The following INPP5D variants were observed in gnomAD, a reference collection of about 807,000 sequenced individuals.
INPP5D encodes phosphatidylinositol 3,4,5-trisphosphate 5-phosphatase 1.
INPP5D carries 33 observed loss-of-function variants against 122.9 expected under a neutral mutation model. The observed-to-expected ratio is 0.27, with a 90% CI of 0.20 to 0.36. INPP5D has a LOEUF of 0.36. Among genes scored for constraint, INPP5D ranks in the 10% least tolerant of loss-of-function variants. INPP5D has a pLI of 1.00. For synonymous variants in INPP5D, 584 were observed against 576.2 expected, an observed-to-expected ratio of 1.01 and a Z score of -0.19; for missense variants, 1,053 against 1,412.7, an observed-to-expected ratio of 0.75 and a Z score of 4.08.
At position 233,106,875 on chromosome 2, in the gene INPP5D, C is replaced by T. The variant is rs111564686; in HGVS notation, c.199-15232C>T. ...TCATCCTTGTCCCCTTGCTCTGATC[C>T]TGGTGACATTAACAGAGACTTCAGA... On this transcript the variant is annotated intron_variant, in intron 2 of 26. Transcript: ENST00000445964. Among the ~76,000 whole-genome samples, 321 of 152,314 alleles carry T rather than the reference C, an allele frequency of 2.1e-3. 2 individuals carry two copies. Among genetic ancestry groups the T allele is most frequent in the East Asian group, 0.013 (66 of 5,186 alleles).
intron 2 of INPP5D, among the ~76,000 whole-genome samples, chr2:233,086,181 CTTT>C (rs1691841418): frequency 1.4e-5 from 2 of 138,786 alleles, no homozygotes; most frequent in Admixed American, 1.4e-4. Flanking sequence ...TTCTTTCTTT[CTTT>C]CTTTCCTTTT....
chr2:233,112,064 G>T (rs1458825274), intron 2 of INPP5D, among the ~76,000 whole-genome samples: 3 of 117,280 alleles, frequency 2.6e-5, no homozygotes, highest in South Asian at 2.9e-4. Flanking sequence ...ACTCTGTCTT[G>T]AAAAAAAAAA....
intron 2 of INPP5D, among the ~76,000 whole-genome samples, chr2:233,080,519 A>C (rs1381420975): frequency 1.3e-5 from 2 of 152,074 alleles, no homozygotes; most frequent in Non-Finnish European, 2.9e-5. Context: ...GAGGCACAGC[A>C]GTGCATCCAC....
intron 2 of INPP5D, among the ~76,000 whole-genome samples, chr2:233,081,978 G>A (rs1043183276): frequency 4.6e-5 from 7 of 152,146 alleles, no homozygotes; most frequent in Non-Finnish European, 5.9e-5. Flanking sequence ...CTCAGAGATG[G>A]GGACAGAGTC....
intron 5 of INPP5D, among the ~76,000 whole-genome samples, chr2:233,132,225 T>C (rs963936162): frequency 2.0e-5 from 3 of 152,222 alleles, no homozygotes; most frequent in African/African-American, 4.8e-5. Context: ...TCTGCTTCAG[T>C]GGAGATTCTG....
At chr2:233,137,184 C>T (rs1693485443) in intron 5 of INPP5D, among the ~76,000 whole-genome samples, 1 of 151,500 alleles carries the variant, frequency 6.6e-6, no homozygotes, top group South Asian at 2.1e-4. Flanking sequence ...CAGTAACATC[C>T]CAGCAAATAT....
intron 11 of INPP5D, 71 bp from the exon 12 acceptor site, chr2:233,163,636 G>C: frequency 1.9e-6 from 3 of 1,606,028 alleles, no homozygotes; most frequent in Non-Finnish European, 2.5e-6. Flanking sequence ...CCCGCCCTCT[G>C]TTTTGAATTC....
At chr2:233,121,505 A>G (rs903132554) in intron 2 of INPP5D, among the ~76,000 whole-genome samples, 2 of 104,628 alleles carry the variant, frequency 1.9e-5, no homozygotes, top group Non-Finnish European at 4.3e-5. Context: ...TTTGTATAAA[A>G]ATACTTTTAT....
intron 9 of INPP5D, among the ~76,000 whole-genome samples, chr2:233,153,984 G>T: frequency 6.6e-6 from 1 of 152,108 alleles, no homozygotes; most frequent in Middle Eastern, 3.2e-3. Flanking sequence ...TTGCCATCAC[G>T]CAGTTTCCCC....
intron 2 of INPP5D, among the ~76,000 whole-genome samples, chr2:233,096,863 T>C (rs767538055): frequency 2.6e-5 from 4 of 152,232 alleles, no homozygotes; most frequent in Non-Finnish European, 5.9e-5. Context: ...ACATTGTTTA[T>C]GGTGCGTTTT....
Position 233,177,262 on chromosome 2 carries a change from C to T in INPP5D, c.1990-3C>T, listed in dbSNP as rs779939761. ...TTTTAAAGCCTATGACTTTGATTTG[C>T]AGATGAAGTACAACTTGCCTTCCTG... On this transcript the variant is annotated splice_region_variant and splice_polypyrimidine_tract_variant and intron_variant, in intron 17 of 26. Coordinates refer to ENST00000445964, the MANE Select transcript of INPP5D (RefSeq NM_001017915.3). The surrounding 1 kb of genome is among the most constrained non-coding windows in gnomAD (Gnocchi z 4.2). The T allele has an allele frequency of 6.2e-7, 1 of 1,613,764 alleles. No homozygotes were observed. Among genetic ancestry groups the T allele is most frequent in the South Asian group, 1.1e-5 (1 of 91,066 alleles).
rs1559351995 is a variant in INPP5D at position 233,204,809 on chromosome 2, T to C, written c.3567+92T>C. On this transcript the variant is annotated intron_variant, in intron 26 of 26. Transcript: ENST00000445964. ...GTACCTATGCATATGTGTGTGCATG[T>C]GTGTGTGCACGCATGCATATGTGCG... 2.8e-6 allele frequency: 4 copies of C among 1,408,340 alleles called. No homozygotes were observed. In the East Asian group the frequency reaches 7.6e-5, roughly 27 times the overall value. The allele number at this position is 1,408,340 out of a possible 1,614,324, so 87.2% of individuals were successfully genotyped here.
intron 26 of INPP5D, 82 bp downstream of exon 26, chr2:233,204,799 TGTGTGC>T: frequency 1.4e-6 from 2 of 1,425,776 alleles, no homozygotes; most frequent in Non-Finnish European, 1.8e-6. Context: ...TATGCATATG[TGTGTGC>T]ATGTGTGTGT....
At chr2:233,104,927 G>C (rs1692424243) in intron 2 of INPP5D, among the ~76,000 whole-genome samples, 1 of 152,208 alleles carries the variant, frequency 6.6e-6, no homozygotes, top group Admixed American at 6.5e-5. Context: ...TGTGGTTTCA[G>C]GTGAAGTCTC....
Position 233,188,687 on chromosome 2 carries a change from G to C in INPP5D, c.2359-1163G>C, listed in dbSNP as rs79248254. ...AGCGATTTGCCTGTCTCAGCCTCCC[G>C]AGTACCTGGGACGACAGGCACGCCC... On this transcript the variant is annotated intron_variant, in intron 21 of 26. Coordinates refer to ENST00000445964, the MANE Select transcript of INPP5D (RefSeq NM_001017915.3). This position sits in a 1 kb window ranked among gnomAD's most constrained non-coding sequence, Gnocchi z 4.7. 6.6e-6 allele frequency among the ~76,000 whole-genome samples: 1 copy of C among 152,116 alleles called. No individual in the cohort carries two copies. Among genetic ancestry groups the C allele is most frequent in the East Asian group, 1.9e-4 (1 of 5,196 alleles).
At position 233,138,912 on chromosome 2, in the gene INPP5D, A is replaced by ATT. The variant is rs759201099; in HGVS notation, c.666-917_666-916dup. Reference sequence around the variant, plus strand: ...AGGAGCCCGCCACCACACCTGGCTAATTTTTTTTTTTTTTGTATTTTTAGT... The same window carrying ATT: ...AGGAGCCCGCCACCACACCTGGCTAATTTTTTTTTTTTTTTTGTATTTTTAGT... On this transcript the variant is annotated intron_variant, in intron 5 of 26. Coordinates refer to ENST00000445964, the MANE Select transcript of INPP5D (RefSeq NM_001017915.3). 1.0e-3 allele frequency among the ~76,000 whole-genome samples: 147 copies of ATT among 140,426 alleles called. 1 individual carries two copies. The highest frequency in any genetic ancestry group is 3.7e-3 in the African/African-American group (142 of 38,056). 92.1% of individuals were successfully genotyped at this position (140,426 alleles called of 152,430 possible). A position where few individuals can be genotyped will look rare whatever the true frequency, so the allele number is the denominator to read the frequency against.
At chr2:233,066,641 C>G (rs1441442073) in intron 1 of INPP5D, among the ~76,000 whole-genome samples, 1 of 151,896 alleles carries the variant, frequency 6.6e-6, no homozygotes, top group African/African-American at 2.4e-5. Context: ...CAGTCTTGCT[C>G]TGTTGCCCAG....
chr2:233,118,939 G>A (rs953201317), intron 2 of INPP5D, among the ~76,000 whole-genome samples: 10 of 152,338 alleles, frequency 6.6e-5, no homozygotes, highest in South Asian at 6.2e-4. Context: ...CTCTGGGAGC[G>A]GGCCAGGCAC....
chr2:233,172,798 A>C lies in INPP5D; in HGVS notation c.1989+1646A>C, dbSNP rs140673642. ...TTCAGTTAGATGGTGTGGCCTATTG[A>C]TCCTAGGCTACAAACCCGTATAGCA... On this transcript the variant is annotated intron_variant, in intron 17 of 26. Coordinates refer to ENST00000445964, the MANE Select transcript of INPP5D (RefSeq NM_001017915.3). Among the ~76,000 whole-genome samples, 798 of 152,340 alleles carry C rather than the reference A, an allele frequency of 5.2e-3. 8 individuals are homozygous for C. The highest frequency in any genetic ancestry group is 6.2e-3 in the Non-Finnish European group (421 of 68,034).
Sources: allele counts gnomAD v4.1 joint callset (sites outside exome capture counted in the v4.1 genomes callset), GRCh38; gene constraint gnomAD v4.1.1; non-coding constraint Gnocchi (gnomAD v3.1); transcripts MANE v1.5; gene names NCBI Gene and HGNC (gene_info 2026-07-23, HGNC 2026-07-21).